The following NCMAP variants were observed in gnomAD, a reference collection of about 807,000 sequenced individuals.
NCMAP encodes non-compact myelin associated protein.
A neutral mutation model predicts 7.8 loss-of-function variants in NCMAP; 8 were observed. That is an observed-to-expected ratio of 1.02 (90% CI 0.60 to 1.84). The LOEUF is 1.84. Ranked by LOEUF, NCMAP falls within the 40% of genes most tolerant of loss-of-function variation. The pLI is 0.00. For synonymous variants in NCMAP, 41 were observed against 52.9 expected, an observed-to-expected ratio of 0.78 and a Z score of 0.98; for missense variants, 112 against 131.4, an observed-to-expected ratio of 0.85 and a Z score of 0.72.
intron 1 of NCMAP, among the ~76,000 whole-genome samples, chr1:24,588,491 G>C (rs1239301825): frequency 6.6e-6 from 1 of 152,186 alleles, no homozygotes; most frequent in East Asian, 1.9e-4. Context: ...GTCTTATCCA[G>C]GGAGGAACTT....
At chr1:24,573,624 A>G (rs1651452272) in intron 1 of NCMAP, among the ~76,000 whole-genome samples, 1 of 145,468 alleles carries the variant, frequency 6.9e-6, no homozygotes, top group South Asian at 2.1e-4. Flanking sequence ...AACAAAAACA[A>G]AAACTTGACT....
At position 24,576,424 on chromosome 1, in the gene NCMAP, C is replaced by G. The variant is rs1306050557; in HGVS notation, c.-7-19000C>G. 1.3e-5 allele frequency among the ~76,000 whole-genome samples: 2 copies of G among 152,200 alleles called. No individual in the cohort carries two copies. Among genetic ancestry groups the G allele is most frequent in the Non-Finnish European group, 2.9e-5 (2 of 68,032 alleles). On this transcript the variant is annotated intron_variant, in intron 1 of 3. Transcript: ENST00000374392. The surrounding 1 kb of genome is among the most constrained non-coding windows in gnomAD (Gnocchi z 4.0). ...GCTTGAACGGCTGGGATTGTTTCCCCAACTCCTGTCCTCTCTGGAGTCCAG... is the reference window on the plus strand; with the variant it reads ...GCTTGAACGGCTGGGATTGTTTCCCGAACTCCTGTCCTCTCTGGAGTCCAG...
chr1:24,581,479 G>A (rs993166486), intron 1 of NCMAP, among the ~76,000 whole-genome samples: 26 of 152,182 alleles, frequency 1.7e-4, no homozygotes, highest in African/African-American at 4.6e-4. Flanking sequence ...AAGGCCAACC[G>A]GAATTCATCC....
chr1:24,598,182 AGT>A (rs1196242193), intron 2 of NCMAP, among the ~76,000 whole-genome samples: 2 of 152,204 alleles, frequency 1.3e-5, no homozygotes. Flanking sequence ...CTTCCCTTCC[AGT>A]GTTTCTTCCT....
At chr1:24,588,539 C>T (rs1651954389) in intron 1 of NCMAP, among the ~76,000 whole-genome samples, 1 of 152,176 alleles carries the variant, frequency 6.6e-6, no homozygotes, top group Non-Finnish European at 1.5e-5. Flanking sequence ...ACCCCTAGGG[C>T]AGAGCTTCAG....
At chr1:24,561,983 C>T (rs1349461816) in intron 1 of NCMAP, among the ~76,000 whole-genome samples, 1 of 151,622 alleles carries the variant, frequency 6.6e-6, no homozygotes, top group African/African-American at 2.4e-5. Flanking sequence ...AAAATCTGAA[C>T]ACCTTTAATG....
intron 1 of NCMAP, among the ~76,000 whole-genome samples, chr1:24,561,594 C>G (rs1245925759): frequency 1.3e-5 from 2 of 152,080 alleles, no homozygotes; most frequent in Non-Finnish European, 2.9e-5. Flanking sequence ...TCTAACCTCA[C>G]AGTACTGCCT....
intron 2 of NCMAP, among the ~76,000 whole-genome samples, chr1:24,598,488 T>A (rs1652337274): frequency 6.6e-6 from 1 of 152,136 alleles, no homozygotes; most frequent in Non-Finnish European, 1.5e-5. Flanking sequence ...CCTATAGGTA[T>A]ACCATATGCA....
intron 1 of NCMAP, among the ~76,000 whole-genome samples, chr1:24,572,915 T>C (rs1403102810): frequency 6.6e-6 from 1 of 150,670 alleles, no homozygotes; most frequent in Non-Finnish European, 1.5e-5. Context: ...TTACTCAGTC[T>C]CTCTGAGCCT....
chr1:24,577,401 G>GTTTTTTTTTGTTTTT (rs1651605073), intron 1 of NCMAP, among the ~76,000 whole-genome samples: 9 of 39,960 alleles, frequency 2.3e-4, no homozygotes, highest in African/African-American at 8.5e-4. Context: ...CACTGGCCTT[G>GTTTTTTTTTGTTTTT]TTTTTTTTTT....
chr1:24,559,500 C>T (rs1650989699), intron 1 of NCMAP, among the ~76,000 whole-genome samples: 1 of 152,148 alleles, frequency 6.6e-6, no homozygotes, highest in Admixed American at 6.5e-5. Context: ...AGAGGGGGAG[C>T]TGGCTAGTGG....
rs148269936 is a variant in NCMAP, at chr1:24,558,620, G to A, written c.-8+2451G>A. 6.2e-4 allele frequency among the ~76,000 whole-genome samples: 95 copies of A among 152,300 alleles called. 1 individual carries two copies. The highest frequency in any genetic ancestry group is 2.0e-3 in the African/African-American group (84 of 41,572). On this transcript the variant is annotated intron_variant, in intron 1 of 3. Transcript: ENST00000374392. ...CTGGGCTCCCAGAGGAGAAAGTGACGTCCAAGCTGACCCCCCCTCATCCTG... is the reference window on the plus strand; with the variant it reads ...CTGGGCTCCCAGAGGAGAAAGTGACATCCAAGCTGACCCCCCCTCATCCTG...
At chr1:24,584,222 G>T (rs918717033) in intron 1 of NCMAP, among the ~76,000 whole-genome samples, 7 of 152,172 alleles carry the variant, frequency 4.6e-5, no homozygotes, top group Admixed American at 3.9e-4. Flanking sequence ...TGGGTCCTTG[G>T]CTTGAGCCCA....
intron 1 of NCMAP, among the ~76,000 whole-genome samples, chr1:24,571,426 G>T (rs968366497): frequency 4.7e-5 from 7 of 148,536 alleles, no homozygotes; most frequent in Admixed American, 4.0e-4. Context: ...TGTGAGTGGA[G>T]ATCACGCCAT....
At chr1:24,600,895 G>A (rs1348805988) in intron 2 of NCMAP, 45 bp from the exon 3 acceptor site, 7 of 1,579,422 alleles carry the variant, frequency 4.4e-6, no homozygotes, top group East Asian at 2.2e-5. Flanking sequence ...CCTGGTCTGC[G>A]TTCAGTTTGC....
intron 1 of NCMAP, among the ~76,000 whole-genome samples, chr1:24,571,829 G>T (rs1034366964): frequency 6.6e-6 from 1 of 150,580 alleles, no homozygotes; most frequent in African/African-American, 2.5e-5. Context: ...CAAGTGATCC[G>T]CCTGCCTCGG....
At chr1:24,570,523 C>CCTGT (rs1477733659) in intron 1 of NCMAP, among the ~76,000 whole-genome samples, 1 of 150,820 alleles carries the variant, frequency 6.6e-6, no homozygotes, top group East Asian at 1.9e-4. Context: ...AAACAAAGTA[C>CCTGT]TTAACAGGGG....
Position 24,590,000 on chromosome 1 carries a change from A to T in NCMAP, c.-7-5424A>T, listed in dbSNP as rs146752883. ...TGCCATCACACCTGGCTAATTTTCC[A>T]TGTTGGCCAGGCTGGTGTCAAACTC... On this transcript the variant is annotated intron_variant, in intron 1 of 3. Transcript: ENST00000374392. Among the ~76,000 whole-genome samples, 486 of 151,932 alleles carry T rather than the reference A, an allele frequency of 3.2e-3. 2 individuals are homozygous for T. The highest frequency in any genetic ancestry group is 0.011 in the African/African-American group (461 of 41,434).
chr1:24,574,188 G>C (rs1312272039), intron 1 of NCMAP, among the ~76,000 whole-genome samples: 5 of 149,750 alleles, frequency 3.3e-5, no homozygotes, highest in Non-Finnish European at 7.4e-5. Context: ...GTGGAATCTT[G>C]GCTCACTGCA....
Sources: gnomAD v4.1 joint callset for allele counts (sites outside exome capture counted in the v4.1 genomes callset) on GRCh38, gnomAD v4.1.1 for gene constraint, Gnocchi (gnomAD v3.1) non-coding constraint, MANE v1.5 for transcripts, NCBI Gene and HGNC (gene_info 2026-07-23, HGNC 2026-07-21) for gene names.